Variants in DNAJB13 observed in about 807,000 individuals in gnomAD.
The protein encoded by DNAJB13 is DnaJ heat shock protein family (Hsp40) member B13.
DNAJB13 carries 22 observed loss-of-function variants against 35.6 expected under a neutral mutation model. The observed-to-expected ratio is 0.62, with a 90% CI of 0.44 to 0.88. The LOEUF (loss-of-function observed/expected upper bound fraction) is 0.88. Ranked by LOEUF, DNAJB13 falls within the 40% of genes least tolerant of loss-of-function variation. The pLI, the probability that DNAJB13 is intolerant of heterozygous loss-of-function variation, is 0.00. For missense variants in DNAJB13, 370 were observed against 384.3 expected (o/e 0.96, Z 0.31); for synonymous variants, 136 against 144.2 (o/e 0.94, Z 0.41).
At chr11:73,961,801 TTTATTA>T (rs1477655142) in intron 3 of DNAJB13, among the ~76,000 whole-genome samples, 1 of 152,182 alleles carries the variant, frequency 6.6e-6, no homozygotes, top group East Asian at 1.9e-4. Context: ...TGTTTTATAA[TTTATTA>T]TTATTAAAGT....
At position 73,964,867 on chromosome 11, in the gene DNAJB13, A is replaced by C. The variant is rs1951059514; in HGVS notation, c.335-11A>C. 1 of 1,605,796 alleles carries C rather than the reference A, an allele frequency of 6.2e-7. No individual in the cohort carries two copies. The highest frequency in any genetic ancestry group is 8.5e-7 in the Non-Finnish European group (1 of 1,177,982). On this transcript the variant is annotated splice_polypyrimidine_tract_variant and intron_variant, in intron 3 of 7. Coordinates refer to ENST00000339764, the MANE Select transcript of DNAJB13 (RefSeq NM_153614.4). ...TACAATTTCTCTTACTCCTCTCCCTACCTCCTGCAGAGTTTTTTGATGCAG... is the reference window on the plus strand; with the variant it reads ...TACAATTTCTCTTACTCCTCTCCCTCCCTCCTGCAGAGTTTTTTGATGCAG...
intron 1 of DNAJB13, among the ~76,000 whole-genome samples, chr11:73,954,184 G>A (rs1479793706): frequency 6.6e-6 from 1 of 150,976 alleles, no homozygotes; most frequent in African/African-American, 2.4e-5. Flanking sequence ...AAATTAGCCA[G>A]GTGTAGTGGC....
At chr11:73,961,940 C>A (rs1308298713) in intron 3 of DNAJB13, among the ~76,000 whole-genome samples, 1 of 152,130 alleles carries the variant, frequency 6.6e-6, no homozygotes, top group African/African-American at 2.4e-5. Flanking sequence ...CAGGTGGGCA[C>A]CAGAATGCCT....
intron 3 of DNAJB13, among the ~76,000 whole-genome samples, chr11:73,963,281 G>C (rs1293998048): frequency 2.0e-5 from 3 of 151,762 alleles, no homozygotes; most frequent in Non-Finnish European, 2.9e-5. Flanking sequence ...GGAGGTGGAG[G>C]TTGTGGTGAG....
chr11:73,958,890 C>G (rs1950839885), intron 2 of DNAJB13, among the ~76,000 whole-genome samples: 1 of 152,142 alleles, frequency 6.6e-6, no homozygotes, highest in Admixed American at 6.5e-5. Context: ...AAATCTGTCT[C>G]CTAGGGAAAC....
intron 1 of DNAJB13, among the ~76,000 whole-genome samples, chr11:73,953,660 G>A (rs1284605032): frequency 6.6e-6 from 1 of 152,100 alleles, no homozygotes; most frequent in South Asian, 2.1e-4. Context: ...TTAACTACTG[G>A]GTTTAGGCCA....
At chr11:73,954,032 A>T (rs79349562) in intron 1 of DNAJB13, among the ~76,000 whole-genome samples, 8,027 of 145,212 alleles carry the variant, frequency 0.055, 276 homozygotes, top group Middle Eastern at 0.091. Context: ...AATAATAATA[A>T]TAATAATAAT....
Position 73,959,557 on chromosome 11 carries a change from A to C in DNAJB13, c.236A>C (p.Glu79Ala). 2 of 1,614,112 alleles carry C rather than the reference A, an allele frequency of 1.2e-6. No individual in the cohort carries two copies. Among genetic ancestry groups the C allele is most frequent in the Non-Finnish European group, 1.7e-6 (2 of 1,180,018 alleles). Residue 79 changes from glutamate to alanine, a missense_variant, in exon 3 of 8, where the codon GAG becomes GCG. Coordinates refer to ENST00000339764, the MANE Select transcript of DNAJB13 (RefSeq NM_153614.4). ...EEGLKGGIPL[E>A]FGSQTPWTTG... ...GGCCTGAAGGGTGGGATTCCTTTGG[A>C]GTTTGGATCCCAGACCCCATGGACA...
At chr11:73,964,585 CG>C (rs1332095998) in intron 3 of DNAJB13, 2 of 213,342 alleles carry the variant, frequency 9.4e-6, no homozygotes, top group African/African-American at 8.4e-5. Context: ...AAGCGTTGGG[CG>C]GGGTGGGGGG....
intron 3 of DNAJB13, among the ~76,000 whole-genome samples, chr11:73,960,955 A>G (rs1950916834): frequency 6.6e-6 from 1 of 152,196 alleles, no homozygotes; most frequent in Admixed American, 6.5e-5. Context: ...AGCCACGTGA[A>G]GCAGAAAGGG....
At position 73,954,421 on chromosome 11, in the gene DNAJB13, G is replaced by A. The variant is rs554022033; in HGVS notation, c.68+3284G>A. On this transcript the variant is annotated intron_variant, in intron 1 of 7. Transcript: ENST00000339764. ...TGAGGCGGGCGGATCACGAGTTCAGGAGATCAAGACCATCCTGGATAACAT... is the reference window on the plus strand; with the variant it reads ...TGAGGCGGGCGGATCACGAGTTCAGAAGATCAAGACCATCCTGGATAACAT... Among the ~76,000 whole-genome samples, 526 of 151,614 alleles carry A rather than the reference G, an allele frequency of 3.5e-3. 3 individuals are homozygous for A. Among genetic ancestry groups the A allele is most frequent in the Non-Finnish European group, 5.9e-3 (401 of 67,902 alleles).
intron 3 of DNAJB13, among the ~76,000 whole-genome samples, chr11:73,962,330 G>A (rs756489144): frequency 5.4e-5 from 8 of 148,278 alleles, no homozygotes; most frequent in Non-Finnish European, 8.9e-5. Flanking sequence ...GTGTGGATGG[G>A]TGGATGCATG....
intron 1 of DNAJB13, among the ~76,000 whole-genome samples, chr11:73,957,743 G>A (rs1328035984): frequency 2.0e-5 from 3 of 152,186 alleles, no homozygotes; most frequent in Non-Finnish European, 2.9e-5. Flanking sequence ...AGCCATGCCC[G>A]CTGCACACCC....
Position 73,969,973 on chromosome 11 carries a change from C to G in DNAJB13, c.810C>G (p.Phe270Leu), listed in dbSNP as rs761338654. ...PINDIIHPKYFKKVPGEGMPL... is the reference protein window; with the variant it reads ...PINDIIHPKYLKKVPGEGMPL... ...CATCCTATTTCAGCCCCAAATACTT[C>G]AAGAAGGTGCCAGGGGAGGGGATGC... is the stretch of plus-strand genomic sequence containing the variant. Residue 270 changes from phenylalanine to leucine, a missense_variant, in exon 8 of 8, where the codon TTC (phenylalanine) becomes TTG (leucine). Phe to Leu is a conservative substitution (Grantham distance 22, BLOSUM62 0). Coordinates refer to ENST00000339764, the MANE Select transcript of DNAJB13 (RefSeq NM_153614.4). The G allele has an allele frequency of 1.2e-6, 2 of 1,609,832 alleles. No homozygotes were observed. The highest frequency in any genetic ancestry group is 4.5e-5 in the East Asian group (2 of 44,830).
At chr11:73,954,030 T>TAATAATAAC (rs1950661647) in intron 1 of DNAJB13, among the ~76,000 whole-genome samples, 1 of 145,148 alleles carries the variant, frequency 6.9e-6, no homozygotes, top group Non-Finnish European at 1.5e-5. Context: ...ATAATAATAA[T>TAATAATAAC]AATAATAATA....
intron 1 of DNAJB13, among the ~76,000 whole-genome samples, chr11:73,954,642 TA>T (rs372270433): frequency 0.075 from 7,484 of 100,354 alleles, 274 homozygotes; most frequent in Middle Eastern, 0.15. Flanking sequence ...AAAAAAAAAA[TA>T]AAATAAATAA....
intron 1 of DNAJB13, among the ~76,000 whole-genome samples, chr11:73,955,047 A>C (rs1950701886): frequency 6.6e-6 from 1 of 152,196 alleles, no homozygotes; most frequent in African/African-American, 2.4e-5. Context: ...CAATAACTCT[A>C]AGTCACATGT....
At chr11:73,965,764 G>C (rs184022271) in intron 4 of DNAJB13, 144 of 195,484 alleles carry the variant, frequency 7.4e-4, no homozygotes, top group Non-Finnish European at 1.2e-3. Flanking sequence ...TCTGGGATTT[G>C]GAGAGAGGAA....
Position 73,958,313 on chromosome 11 carries a change from C to A in DNAJB13, c.69-4C>A, listed in dbSNP as rs1164048246. 6.2e-7 allele frequency: 1 copy of A among 1,614,042 alleles called. No individual in the cohort carries two copies. The highest frequency in any genetic ancestry group is 1.1e-5 in the South Asian group (1 of 91,080). ...AAGACTTGTATTAATTCTCCCTCTT[C>A]CAGGTACCGCAGACTCGCCCTTAAG... On this transcript the variant is annotated splice_region_variant and splice_polypyrimidine_tract_variant and intron_variant, in intron 1 of 7. Transcript: ENST00000339764.
Sources: gnomAD v4.1 joint callset for allele counts (sites outside exome capture counted in the v4.1 genomes callset) on GRCh38, gnomAD v4.1.1 for gene constraint, MANE v1.5 for transcripts, NCBI Gene and HGNC (gene_info 2026-07-23, HGNC 2026-07-21) for gene names.